The following CCDC171 variants were observed in gnomAD, a reference collection of about 807,000 sequenced individuals.
The protein encoded by CCDC171 is coiled-coil domain-containing protein 171.
In CCDC171, 177 loss-of-function variants were observed where a neutral mutation model predicts 168.2. The observed-to-expected ratio is 1.05, with a 90% confidence interval of 0.93 to 1.19. The LOEUF (loss-of-function observed/expected upper bound fraction) is 1.19, where lower values mean the gene tolerates loss of function less well. Among genes scored for constraint, CCDC171 ranks in the 50% most tolerant of loss-of-function variants. The probability of loss-of-function intolerance (pLI) is 0.00; values close to 1 mark genes in which losing one functional copy is unlikely to be tolerated. For synonymous variants in CCDC171, 687 were observed against 540.8 expected (o/e 1.27, Z -3.75); for missense variants, 1,991 against 1,539.0 (o/e 1.29, Z -4.91).
chr9:15,735,210 G>C (rs887354478), intron 16 of CCDC171, among the ~76,000 whole-genome samples: 4 of 152,180 alleles, frequency 2.6e-5, no homozygotes. Context: ...TTAGCACTGG[G>C]TAAAGTTTGC....
At chr9:16,082,373 A>G in the CCDC171 span, among the ~76,000 whole-genome samples, 1 of 152,200 alleles carries the variant, frequency 6.6e-6, no homozygotes, top group East Asian at 1.9e-4. Flanking sequence ...AGCAGGTCAC[A>G]TGAGTTTCCA....
intron 4 of CCDC171, among the ~76,000 whole-genome samples, chr9:15,590,805 C>CTT (rs1491214477): frequency 7.1e-6 from 1 of 141,508 alleles, no homozygotes; most frequent in South Asian, 2.3e-4. Flanking sequence ...TTCTTTCTTT[C>CTT]TTTCTTTCTT....
chr9:15,805,172 ATT>A (rs2059015132), intron 21 of CCDC171, among the ~76,000 whole-genome samples: 1 of 151,178 alleles, frequency 6.6e-6, no homozygotes, highest in Admixed American at 6.6e-5. Flanking sequence ...AGTCTGTTTT[ATT>A]AAGTTTTTCA....
intron 25 of CCDC171, 107 bp downstream of exon 25, chr9:15,920,529 G>A (rs543519239): frequency 2.6e-6 from 2 of 759,970 alleles, no homozygotes; most frequent in South Asian, 3.0e-5. Context: ...TATAATTTAG[G>A]GTAAATGATC....
Position 15,972,787 on chromosome 9 carries a change from A to G in CCDC171, c.*951A>G. ...TGCCCTGCATTTTCTGCCTTGTAGC[A>G]CACAAAAGTAAAATTGTATGTCAGG... On this transcript the variant is annotated 3_prime_UTR_variant, in exon 26 of 26. Transcript: ENST00000380701. 6.6e-6 allele frequency: 1 copy of G among 152,146 alleles called. No homozygotes were observed. Among genetic ancestry groups the G allele is most frequent in the East Asian group, 1.9e-4 (1 of 5,200 alleles). 9.4% of individuals were successfully genotyped at this position (152,146 alleles called of 1,614,324 possible).
intron 1 of CCDC171, among the ~76,000 whole-genome samples, chr9:16,046,028 G>GAAGTCTTATTAACC: frequency 6.6e-6 from 1 of 152,296 alleles, no homozygotes; most frequent in Middle Eastern, 3.4e-3. Flanking sequence ...CCCTGTGACA[G>GAAGTCTTATTAACC]AAGTCTTATT....
chr9:15,731,288 C>T (rs2054135364), intron 16 of CCDC171, among the ~76,000 whole-genome samples: 1 of 152,066 alleles, frequency 6.6e-6, no homozygotes, highest in African/African-American at 2.4e-5. Flanking sequence ...CATAAACACC[C>T]ATGTGATCAT....
intron 21 of CCDC171, among the ~76,000 whole-genome samples, chr9:15,818,556 C>A (rs369299844): frequency 8.5e-6 from 1 of 118,184 alleles, no homozygotes; most frequent in Non-Finnish European, 1.9e-5. Context: ...AATGCACAAG[C>A]CTCAGTAGCT....
Position 15,613,168 on chromosome 9 carries a change from G to A in CCDC171, c.676-10099G>A, listed in dbSNP as rs1049519669. Among the ~76,000 whole-genome samples, 3 of 152,282 alleles carry A rather than the reference G, an allele frequency of 2.0e-5. No individual in the cohort carries two copies. The East Asian group carries it at 5.8e-4, about 29-fold the overall frequency. On this transcript the variant is annotated intron_variant, in intron 6 of 25. Coordinates refer to ENST00000380701, the MANE Select transcript of CCDC171 (RefSeq NM_173550.4). Reference sequence around the variant, plus strand: ...CTAATGCTGCTGAATGACAGTATGAGTAATGTTTGAGAGTTCCAGTTTCTC... The same window carrying A: ...CTAATGCTGCTGAATGACAGTATGAATAATGTTTGAGAGTTCCAGTTTCTC...
At chr9:15,646,462 G>A (rs1489594908) in intron 7 of CCDC171, among the ~76,000 whole-genome samples, 2 of 152,130 alleles carry the variant, frequency 1.3e-5, no homozygotes, top group African/African-American at 2.4e-5. Context: ...CTGGCAAATT[G>A]GATAAAGATT....
Position 15,853,946 on chromosome 9 carries a change from A to G in CCDC171, c.3468+4999A>G, listed in dbSNP as rs182813924. The stretch of plus-strand genomic sequence containing the variant: ...GAACACCATTGTGTTCCTGAGATAA[A>G]TCTCACTTGGTTATGGTGTATGATC... On this transcript the variant is annotated intron_variant, in intron 23 of 25. Transcript: ENST00000380701. Among the ~76,000 whole-genome samples the G allele has an allele frequency of 1.8e-3, 268 of 149,492 alleles. 2 individuals carry two copies. The highest frequency in any genetic ancestry group is 3.2e-3 in the Non-Finnish European group (215 of 67,344).
downstream of CCDC171, among the ~76,000 whole-genome samples, chr9:16,066,616 C>T (rs1264173696): frequency 8.6e-6 from 1 of 115,720 alleles, no homozygotes; most frequent in Non-Finnish European, 1.7e-5. Context: ...CCCCCCTCCC[C>T]CCACCCCACA....
chr9:15,628,506 A>G (rs1466051778), intron 7 of CCDC171, among the ~76,000 whole-genome samples: 3 of 152,338 alleles, frequency 2.0e-5, no homozygotes, highest in Non-Finnish European at 4.4e-5. Flanking sequence ...AGGCTTGCTT[A>G]GGTAAACAAA....
chr9:16,058,037 T>A (rs1833869456), intron 1 of CCDC171, among the ~76,000 whole-genome samples: 2 of 145,982 alleles, frequency 1.4e-5, no homozygotes, highest in South Asian at 4.2e-4. Flanking sequence ...AGTTGTGAAT[T>A]TTTTGAAAAA....
intron 18 of CCDC171, among the ~76,000 whole-genome samples, chr9:15,754,221 T>C (rs969748039): frequency 6.6e-6 from 1 of 152,188 alleles, no homozygotes; most frequent in Non-Finnish European, 1.5e-5. Flanking sequence ...AACATTATTG[T>C]ATGGTAGAGA....
chr9:15,782,731 A>G (rs1300430289), intron 20 of CCDC171, among the ~76,000 whole-genome samples: 2 of 152,196 alleles, frequency 1.3e-5, no homozygotes, highest in Non-Finnish European at 2.9e-5. Flanking sequence ...ATAGAAATAT[A>G]ACTGGAGTGC....
At chr9:15,888,945 T>G (rs1433929172) in intron 24 of CCDC171, 2 of 127,546 alleles carry the variant, frequency 1.6e-5, no homozygotes, top group Admixed American at 9.1e-5. Context: ...CTCATTTTTC[T>G]TTTCTTTTTT....
At chr9:16,101,713 G>T in the CCDC171 span, among the ~76,000 whole-genome samples, 1 of 152,214 alleles carries the variant, frequency 6.6e-6, no homozygotes, top group African/African-American at 2.4e-5. Flanking sequence ...CTGCTGTGTT[G>T]TGGAGAAGGC....
chr9:15,723,893 GTTGA>G, intron 13 of CCDC171, 147 bp downstream of exon 13: 3 of 422,822 alleles, frequency 7.1e-6, no homozygotes, highest in South Asian at 8.4e-5. Flanking sequence ...ATTTTTTCTT[GTTGA>G]TTAAGAGTAA....
Sources: allele counts gnomAD v4.1 joint callset (sites outside exome capture counted in the v4.1 genomes callset), GRCh38; gene constraint gnomAD v4.1.1; transcripts MANE v1.5; gene names NCBI Gene and HGNC (gene_info 2026-07-23, HGNC 2026-07-21).